Variants in PRICKLE1 observed in about 807,000 individuals in gnomAD.
The protein encoded by PRICKLE1 is prickle planar cell polarity protein 1.
In PRICKLE1, 14 loss-of-function variants were observed where a neutral mutation model predicts 70.2. The observed-to-expected ratio is 0.20, with a 90% CI of 0.13 to 0.31. PRICKLE1 has a LOEUF of 0.31. Ranked by LOEUF, PRICKLE1 falls within the 10% of genes least tolerant of loss-of-function variation. PRICKLE1 has a pLI of 1.00. For missense variants in PRICKLE1, 821 were observed against 1,026.2 expected, an observed-to-expected ratio of 0.80 and a Z score of 2.73; for synonymous variants, 357 against 379.9, an observed-to-expected ratio of 0.94 and a Z score of 0.70.
At chr12:42,582,813 T>G (rs1378965469) in intron 1 of PRICKLE1, among the ~76,000 whole-genome samples, 4 of 152,146 alleles carry the variant, frequency 2.6e-5, no homozygotes, top group African/African-American at 9.7e-5. Flanking sequence ...TGTGTGTGTG[T>G]GATTTCTTTT....
intron 1 of PRICKLE1, among the ~76,000 whole-genome samples, chr12:42,519,895 A>C (rs1939679319): frequency 6.6e-6 from 1 of 151,906 alleles, no homozygotes; most frequent in East Asian, 1.9e-4. Flanking sequence ...ACAGCCCTGA[A>C]CTCCTAGCCT....
chr12:42,463,827 C>G (rs1341687391), intron 7 of PRICKLE1: 1 of 172,752 alleles, frequency 5.8e-6, no homozygotes, highest in Non-Finnish European at 1.2e-5. Context: ...CAGTTGTACA[C>G]TCCTTCCTCC....
At chr12:42,510,766 T>C (rs762953826) in intron 1 of PRICKLE1, among the ~76,000 whole-genome samples, 11 of 152,214 alleles carry the variant, frequency 7.2e-5, no homozygotes, top group Non-Finnish European at 1.5e-4. Flanking sequence ...GTCCTATGTC[T>C]GTGTTATTAC....
chr12:42,567,567 C>T (rs893666276), intron 1 of PRICKLE1, among the ~76,000 whole-genome samples: 1 of 152,262 alleles, frequency 6.6e-6, no homozygotes, highest in Admixed American at 6.5e-5. Flanking sequence ...GTGGCTCACG[C>T]CAGTAATCCC....
intron 5 of PRICKLE1, among the ~76,000 whole-genome samples, chr12:42,467,632 G>C (rs1277726435): frequency 6.6e-6 from 1 of 152,036 alleles, no homozygotes; most frequent in Middle Eastern, 3.2e-3. Context: ...TGCAATCCCA[G>C]CTACTCGGGG....
chr12:42,581,042 A>G (rs1940889879), intron 1 of PRICKLE1, among the ~76,000 whole-genome samples: 2 of 152,106 alleles, frequency 1.3e-5, no homozygotes, highest in African/African-American at 4.8e-5. Flanking sequence ...AATGAGAAGG[A>G]CACCTTAGAC....
At chr12:42,566,453 C>T (rs954662751) in intron 1 of PRICKLE1, among the ~76,000 whole-genome samples, 8 of 152,032 alleles carry the variant, frequency 5.3e-5, no homozygotes, top group African/African-American at 1.9e-4. Context: ...AGAGAGTACT[C>T]CAAATGTGGG....
chr12:42,577,915 T>C (rs1034767816), intron 1 of PRICKLE1, among the ~76,000 whole-genome samples: 1 of 152,180 alleles, frequency 6.6e-6, no homozygotes, highest in Non-Finnish European at 1.5e-5. Flanking sequence ...CTGCAAACAT[T>C]CCTTTATTTA....
intron 1 of PRICKLE1, among the ~76,000 whole-genome samples, chr12:42,532,298 A>T (rs1939932224): frequency 6.6e-6 from 1 of 152,250 alleles, no homozygotes; most frequent in Non-Finnish European, 1.5e-5. Flanking sequence ...GTAATTTTTA[A>T]TACTAAAAAA....
At chr12:42,519,715 G>A (rs1939676772) in intron 1 of PRICKLE1, among the ~76,000 whole-genome samples, 1 of 152,196 alleles carries the variant, frequency 6.6e-6, no homozygotes, top group African/African-American at 2.4e-5. Context: ...GATGGGGTAG[G>A]TGAGGAAACA....
chr12:42,514,757 T>C (rs1029030832), intron 1 of PRICKLE1, among the ~76,000 whole-genome samples: 6 of 152,154 alleles, frequency 3.9e-5, no homozygotes, highest in Admixed American at 2.6e-4. Context: ...AAAAGGCTTG[T>C]TTTGAGAAAC....
chr12:42,560,774 A>T (rs1592029769), intron 1 of PRICKLE1, among the ~76,000 whole-genome samples: 1 of 8,166 alleles, frequency 1.2e-4, no homozygotes, highest in Non-Finnish European at 3.0e-4. Flanking sequence ...CTTCTCACAC[A>T]CACACACACA....
intron 1 of PRICKLE1, among the ~76,000 whole-genome samples, chr12:42,586,787 G>C (rs919235989): frequency 2.0e-5 from 3 of 152,164 alleles, no homozygotes; most frequent in African/African-American, 7.2e-5. Context: ...GTAATTATAA[G>C]AGATTTTAGA....
At chr12:42,560,980 G>A (rs931612844) in intron 1 of PRICKLE1, among the ~76,000 whole-genome samples, 1 of 152,132 alleles carries the variant, frequency 6.6e-6, no homozygotes, top group African/African-American at 2.4e-5. Context: ...CTGAGGACAG[G>A]TTATATCCTT....
chr12:42,534,609 G>T (rs1191040324), intron 1 of PRICKLE1, among the ~76,000 whole-genome samples: 1 of 152,164 alleles, frequency 6.6e-6, no homozygotes, highest in Non-Finnish European at 1.5e-5. Context: ...TAAGCAAGAG[G>T]TTAATAATTT....
rs201983132 is a variant in PRICKLE1 at position 42,469,514 on chromosome 12, T to G, written c.320A>C (p.Glu107Ala). The stretch of plus-strand genomic sequence containing the variant: ...CTTAATTGTTCCTCTTCCCAGTGCT[T>G]CTTTCTTCCGCTGAGCACTGAACAC... Reference protein sequence around the residue: ...LQVFSAQRKKEALGRGTIKLL... With the variant: ...LQVFSAQRKKAALGRGTIKLL... Residue 107 changes from glutamate to alanine, a missense_variant, in exon 4 of 8, where the codon GAA (glutamate) becomes GCA (alanine). Glu to Ala is a moderately radical substitution (Grantham distance 107). Transcript: ENST00000345127. 1.7e-5 allele frequency: 28 copies of G among 1,614,188 alleles called. No individual in the cohort carries two copies. Among genetic ancestry groups the G allele is most frequent in the Non-Finnish European group, 2.3e-5 (27 of 1,180,024 alleles).
At chr12:42,581,746 C>CAAAAAA (rs71948536) in intron 1 of PRICKLE1, among the ~76,000 whole-genome samples, 1 of 109,730 alleles carries the variant, frequency 9.1e-6, no homozygotes. Flanking sequence ...GACTCCATCT[C>CAAAAAA]AAAAAAAAAA....
At chr12:42,487,227 G>T (rs762775003) in intron 1 of PRICKLE1, among the ~76,000 whole-genome samples, 3 of 152,072 alleles carry the variant, frequency 2.0e-5, no homozygotes, top group African/African-American at 4.8e-5. Flanking sequence ...TTGTATCCCC[G>T]ATTGGTCATT....
At chr12:42,524,475 G>A (rs1482006594) in intron 1 of PRICKLE1, among the ~76,000 whole-genome samples, 2 of 152,042 alleles carry the variant, frequency 1.3e-5, no homozygotes, top group Admixed American at 6.5e-5. Flanking sequence ...GTGCAGTGGC[G>A]CGATCTTGGC....
Sources: gnomAD v4.1 joint callset for allele counts (sites outside exome capture counted in the v4.1 genomes callset) on GRCh38, gnomAD v4.1.1 for gene constraint, MANE v1.5 for transcripts, NCBI Gene and HGNC (gene_info 2026-07-23, HGNC 2026-07-21) for gene names.